The following MACROH2A1 variants were observed in gnomAD, a reference collection of about 807,000 sequenced individuals.
The protein encoded by MACROH2A1 is core histone macro-H2A.1.
Under a neutral mutation model 31.6 loss-of-function variants are expected in MACROH2A1, and 2 were observed. The ratio of observed to expected loss-of-function variants is 0.06; its 90% CI spans 0.03 to 0.20. The LOEUF (loss-of-function observed/expected upper bound fraction) is 0.20, where lower values mean the gene tolerates loss of function less well. MACROH2A1 is among the 10% of genes least tolerant of loss of function. The pLI is 1.00. For missense variants in MACROH2A1, 230 were observed against 474.0 expected (o/e 0.49, Z 4.78); for synonymous variants, 169 against 189.6 (o/e 0.89, Z 0.89).
chr5:135,338,138 C>A, intron 8 of MACROH2A1: 1 of 345,484 alleles, frequency 2.9e-6, no homozygotes, highest in Non-Finnish European at 4.2e-6. Flanking sequence ...AGCCCTGCAG[C>A]CTCCAGACAG....
chr5:135,358,209 A>G, intron 5 of MACROH2A1: 3 of 985,448 alleles, frequency 3.0e-6, no homozygotes, highest in Non-Finnish European at 3.6e-6. Context: ...CCAGAAAGTA[A>G]TGCTTCAAAA....
intron 8 of MACROH2A1, chr5:135,338,014 G>GT (rs1442537507): frequency 1.7e-6 from 2 of 1,175,296 alleles, no homozygotes; most frequent in Non-Finnish European, 2.1e-6. Context: ...AATGGCGGAG[G>GT]TAACGGCTTT....
At chr5:135,338,308 C>T (rs897884295) in intron 8 of MACROH2A1, among the ~76,000 whole-genome samples, 60 of 152,216 alleles carry the variant, frequency 3.9e-4, no homozygotes, top group African/African-American at 1.4e-3. Context: ...TGTGGTCCCA[C>T]TTCGGTGCCT....
At chr5:135,365,317 A>G (rs988265723) in intron 4 of MACROH2A1, among the ~76,000 whole-genome samples, 1 of 151,906 alleles carries the variant, frequency 6.6e-6, no homozygotes, top group African/African-American at 2.4e-5. Flanking sequence ...CTCCCACCTC[A>G]GGCCTACTTG....
Position 135,369,334 on chromosome 5 carries a change from G to C in MACROH2A1, c.477+72C>G. ...GATGAGCCCACAGGGGGAATGAGGG[G>C]GGTGCCCTGGTAACCCTGTTTATCC... On this transcript the variant is annotated intron_variant, in intron 4 of 8. Coordinates refer to ENST00000511689, the MANE Select transcript of MACROH2A1 (RefSeq NM_138610.3). The surrounding 1 kb of genome is among the most constrained non-coding windows in gnomAD (Gnocchi z 4.3). 8.2e-7 allele frequency: 1 copy of C among 1,223,662 alleles called. No homozygotes were observed. The highest frequency in any genetic ancestry group is 1.2e-6 in the Non-Finnish European group (1 of 828,320). The allele number at this position is 1,223,662 out of a possible 1,614,324, so 75.8% of individuals were successfully genotyped here. A position where few individuals can be genotyped will look rare whatever the true frequency, so the allele number is the denominator to read the frequency against.
intron 1 of MACROH2A1, among the ~76,000 whole-genome samples, chr5:135,392,290 A>C (rs1432812314): frequency 3.3e-5 from 5 of 152,174 alleles, no homozygotes; most frequent in Non-Finnish European, 7.3e-5. Context: ...TAGTCAACTC[A>C]TCCCAAGAAA....
At chr5:135,381,274 C>T (rs889511118) in intron 2 of MACROH2A1, among the ~76,000 whole-genome samples, 19 of 152,078 alleles carry the variant, frequency 1.2e-4, no homozygotes, top group Admixed American at 1.2e-3. Context: ...TGAGCAAAAG[C>T]ATGAAGAGAA....
At chr5:135,358,654 A>G (rs1294932990) in intron 5 of MACROH2A1, 6 of 968,494 alleles carry the variant, frequency 6.2e-6, no homozygotes, top group Non-Finnish European at 7.4e-6. Flanking sequence ...TTCACTGTTA[A>G]GCTAAGTTCA....
In MACROH2A1 at chr5:135,369,354, T is replaced by G. The variant is rs1053660421; in HGVS notation, c.477+52A>C. 8 of 1,465,486 alleles carry G rather than the reference T, an allele frequency of 5.5e-6. No individual in the cohort carries two copies. In the African/African-American group the frequency reaches 9.8e-5, roughly 18 times the overall value. 90.8% of individuals were successfully genotyped at this position (1,465,486 alleles called of 1,614,324 possible). On this transcript the variant is annotated intron_variant, in intron 4 of 8. Coordinates refer to ENST00000511689, the MANE Select transcript of MACROH2A1 (RefSeq NM_138610.3). This position sits in a 1 kb window ranked among gnomAD's most constrained non-coding sequence, Gnocchi z 4.3. Reference sequence around the variant, plus strand: ...GAGGGGGGTGCCCTGGTAACCCTGTTTATCCGTACCCCATCCTATCCCACT... The same window carrying G: ...GAGGGGGGTGCCCTGGTAACCCTGTGTATCCGTACCCCATCCTATCCCACT...
chr5:135,336,116 C>A (rs953963597), intron 8 of MACROH2A1, among the ~76,000 whole-genome samples: 4 of 152,204 alleles, frequency 2.6e-5, no homozygotes, highest in Non-Finnish European at 5.9e-5. Flanking sequence ...CTGGGCCAAC[C>A]CGCCTATTTC....
Position 135,360,798 on chromosome 5 carries a change from T to C in MACROH2A1, c.478-191A>G, listed in dbSNP as rs775785718. 96 of 697,380 alleles carry C rather than the reference T, an allele frequency of 1.4e-4. 1 individual carries two copies. The South Asian group carries it at 1.4e-3, about 10-fold the overall frequency. The allele number at this position is 697,380 out of a possible 1,614,324, so 43.2% of individuals were successfully genotyped here. On this transcript the variant is annotated intron_variant, in intron 4 of 8. Transcript: ENST00000511689. ...CAAGAGTTCTGTGGAGTGTGTTAAG[T>C]TATATGTTAATCACTTTATGATCGT...
Position 135,347,998 on chromosome 5 carries a change from A to C in MACROH2A1, c.689-1941T>G, listed in dbSNP as rs531940706. 1.2e-4 allele frequency among the ~76,000 whole-genome samples: 19 copies of C among 152,388 alleles called. No homozygotes were observed. The East Asian group carries it at 3.7e-3, about 29-fold the overall frequency. ...TAAGAAAATGGGCTGATCTATAATT[A>C]AAGGTGTTTTATCTTAGGAAGAGTG... On this transcript the variant is annotated intron_variant, in intron 6 of 8. Coordinates refer to ENST00000511689, the MANE Select transcript of MACROH2A1 (RefSeq NM_138610.3).
chr5:135,363,645 A>G (rs894948975), intron 4 of MACROH2A1, among the ~76,000 whole-genome samples: 2 of 152,236 alleles, frequency 1.3e-5, no homozygotes, highest in Non-Finnish European at 2.9e-5. Flanking sequence ...ATATGTGTGC[A>G]TGTGTCTTTA....
intron 8 of MACROH2A1, among the ~76,000 whole-genome samples, chr5:135,338,620 C>T (rs528987428): frequency 5.9e-5 from 9 of 152,342 alleles, no homozygotes; most frequent in African/African-American, 1.9e-4. Context: ...ATAGAGGCTC[C>T]CCAGTGCAGT....
At chr5:135,378,599 G>T (rs190729306) in intron 2 of MACROH2A1, among the ~76,000 whole-genome samples, 54 of 152,324 alleles carry the variant, frequency 3.5e-4, no homozygotes, top group Non-Finnish European at 6.3e-4. Context: ...CAAAGGAAAT[G>T]CCAAGTGGAT....
chr5:135,369,418 G>A lies in MACROH2A1; in HGVS notation c.465C>T (p.Ala155=). The A allele has an allele frequency of 1.2e-6, 2 of 1,613,922 alleles. No homozygotes were observed. The highest frequency in any genetic ancestry group is 1.7e-6 in the Non-Finnish European group (2 of 1,179,814). Residue 155 remains alanine (A), a synonymous_variant, in exon 4 of 9, where the codon GCC becomes GCT. Transcript: ENST00000511689. This position sits in a 1 kb window ranked among gnomAD's most constrained non-coding sequence, Gnocchi z 4.3. The stretch of plus-strand genomic sequence containing the variant: ...CCAAATCACATACCTTGGATTTCCG[G>A]GCCCCTTTCTTGCCTCCTGCTTTTT... ...VSKKAGGKKG[A]RKSKKKQGEV...
At chr5:135,343,753 G>A (rs1470632744) in intron 7 of MACROH2A1, 1 of 352,088 alleles carries the variant, frequency 2.8e-6, no homozygotes, top group Non-Finnish European at 5.3e-6. Context: ...TCAACTGAAC[G>A]CAAACTCAAC....
At chr5:135,377,403 C>T (rs549249466) in intron 2 of MACROH2A1, among the ~76,000 whole-genome samples, 1 of 152,352 alleles carries the variant, frequency 6.6e-6, no homozygotes, top group East Asian at 1.9e-4. Flanking sequence ...GGTGAACAAT[C>T]AGCGATGTCT....
chr5:135,368,848 G>A (rs1456122212), intron 4 of MACROH2A1, among the ~76,000 whole-genome samples: 1 of 152,190 alleles, frequency 6.6e-6, no homozygotes, highest in Admixed American at 6.5e-5. Flanking sequence ...TAATGAGAGG[G>A]TTTCCAGCAC....
Sources: allele counts gnomAD v4.1 joint callset (sites outside exome capture counted in the v4.1 genomes callset), GRCh38; gene constraint gnomAD v4.1.1; non-coding constraint Gnocchi (gnomAD v3.1); transcripts MANE v1.5; gene names NCBI Gene and HGNC (gene_info 2026-07-23, HGNC 2026-07-21).